AGTPBP1: variants seen among roughly 807,000 people sequenced by gnomAD.
AGTPBP1 encodes ATP/GTP binding carboxypeptidase 1.
Under a neutral mutation model 143.9 loss-of-function variants are expected in AGTPBP1, and 70 were observed. The observed-to-expected ratio is 0.49, with a 90% CI of 0.40 to 0.59. The LOEUF (loss-of-function observed/expected upper bound fraction) is 0.59, where lower values mean the gene tolerates loss of function less well. Among genes scored for constraint, AGTPBP1 ranks in the 20% least tolerant of loss-of-function variants. AGTPBP1 has a pLI of 0.00. For synonymous variants in AGTPBP1, 463 were observed against 500.2 expected (o/e 0.93, Z 0.99); for missense variants, 1,229 against 1,464.5 (o/e 0.84, Z 2.62).
chr9:85,671,322 T>C (rs964104403), intron 7 of AGTPBP1, among the ~76,000 whole-genome samples: 2 of 152,206 alleles, frequency 1.3e-5, no homozygotes, highest in African/African-American at 4.8e-5. Flanking sequence ...TTTTTCCTTT[T>C]ACCTTTACTA....
intron 25 of AGTPBP1, among the ~76,000 whole-genome samples, chr9:85,557,494 T>G (rs1048381601): frequency 2.0e-5 from 3 of 152,192 alleles, no homozygotes; most frequent in African/African-American, 7.2e-5. Flanking sequence ...ATCTCAGTAG[T>G]AATTACAGCG....
chr9:85,600,258 G>T (rs1829577782), intron 17 of AGTPBP1, among the ~76,000 whole-genome samples: 1 of 151,912 alleles, frequency 6.6e-6, no homozygotes, highest in Admixed American at 6.5e-5. Flanking sequence ...ATCCCTTCCT[G>T]GGACTCAGTG....
chr9:85,605,468 C>T (rs1829936059), intron 17 of AGTPBP1, among the ~76,000 whole-genome samples: 1 of 152,078 alleles, frequency 6.6e-6, no homozygotes, highest in Non-Finnish European at 1.5e-5. Flanking sequence ...TCATCAACAT[C>T]AAATACTTGT....
At chr9:85,701,852 A>G (rs960109064) in intron 2 of AGTPBP1, among the ~76,000 whole-genome samples, 1 of 152,222 alleles carries the variant, frequency 6.6e-6, no homozygotes, top group African/African-American at 2.4e-5. Context: ...CCTGTTTCCA[A>G]AGGTTAGTGT....
chr9:85,730,612 C>G (rs1425886480), intron 1 of AGTPBP1, among the ~76,000 whole-genome samples: 1 of 152,116 alleles, frequency 6.6e-6, no homozygotes, highest in Non-Finnish European at 1.5e-5. Flanking sequence ...CCCTGGTACC[C>G]TAAGGGGTAA....
intron 15 of AGTPBP1, among the ~76,000 whole-genome samples, chr9:85,619,842 T>C (rs1397740757): frequency 6.6e-6 from 1 of 152,148 alleles, no homozygotes. Flanking sequence ...TGCAAACTCT[T>C]GCTCTTCTGG....
rs186202600 is a variant in AGTPBP1, at chr9:85,578,271, T to C, written c.3342+649A>G. Among the ~76,000 whole-genome samples, 24 of 152,252 alleles carry C rather than the reference T, an allele frequency of 1.6e-4. No individual in the cohort carries two copies. The East Asian group carries it at 4.2e-3, about 27-fold the overall frequency. On this transcript the variant is annotated intron_variant, in intron 24 of 25. Coordinates refer to ENST00000357081, the MANE Select transcript of AGTPBP1 (RefSeq NM_001330701.2). Reference sequence around the variant, plus strand: ...AAAAGCCTACAGTACCATGAATGAGTAGTCTTAATGAAGAAAAAAGTTTAC... The same window carrying C: ...AAAAGCCTACAGTACCATGAATGAGCAGTCTTAATGAAGAAAAAAGTTTAC...
At chr9:85,553,572 C>T (rs1460511667) in intron 25 of AGTPBP1, among the ~76,000 whole-genome samples, 2 of 152,166 alleles carry the variant, frequency 1.3e-5, no homozygotes, top group African/African-American at 4.8e-5. Context: ...GACATAATCC[C>T]ACTGTAAGTC....
intron 17 of AGTPBP1, among the ~76,000 whole-genome samples, chr9:85,618,051 C>T (rs1830695154): frequency 6.6e-6 from 1 of 152,008 alleles, no homozygotes; most frequent in South Asian, 2.1e-4. Context: ...ACCAGCCTGG[C>T]CAACATGGTG....
intron 25 of AGTPBP1, among the ~76,000 whole-genome samples, chr9:85,552,035 G>A (rs1826066717): frequency 6.6e-6 from 1 of 152,098 alleles, no homozygotes; most frequent in South Asian, 2.1e-4. Context: ...GCTGCCCTGT[G>A]TACACCTGCC....
intron 13 of AGTPBP1, among the ~76,000 whole-genome samples, chr9:85,639,980 G>A (rs546559454): frequency 6.6e-6 from 1 of 152,170 alleles, no homozygotes; most frequent in Admixed American, 6.5e-5. Flanking sequence ...TGGAAACAAA[G>A]CAGGCGGTGT....
At chr9:85,631,323 C>T (rs1831663577) in intron 14 of AGTPBP1, among the ~76,000 whole-genome samples, 1 of 152,370 alleles carries the variant, frequency 6.6e-6, no homozygotes, top group Non-Finnish European at 1.5e-5. Flanking sequence ...TGTATTCTTT[C>T]TACAGAATTA....
chr9:85,564,779 G>A (rs1826973514), intron 25 of AGTPBP1, among the ~76,000 whole-genome samples: 2 of 152,164 alleles, frequency 1.3e-5, no homozygotes, highest in South Asian at 4.1e-4. Context: ...TTCTCAGAAT[G>A]TATTCCTATT....
intron 4 of AGTPBP1, among the ~76,000 whole-genome samples, 170 bp downstream of exon 4, chr9:85,681,098 T>C (rs943073918): frequency 2.0e-5 from 3 of 151,880 alleles, no homozygotes; most frequent in Non-Finnish European, 4.4e-5. Context: ...AAAATGAATT[T>C]CCATTTACTG....
chr9:85,792,958 T>C, the AGTPBP1 span, among the ~76,000 whole-genome samples: 75 of 152,334 alleles, frequency 4.9e-4, no homozygotes, highest in African/African-American at 1.5e-3. Flanking sequence ...TCAGTTTTAG[T>C]TATATATATC....
chr9:85,618,878 G>A, intron 17 of AGTPBP1, 105 bp downstream of exon 17: 1 of 1,220,380 alleles, frequency 8.2e-7, no homozygotes, highest in Non-Finnish European at 1.1e-6. Flanking sequence ...GAGAAAACAA[G>A]ACACTGAAAC....
At chr9:85,753,399 G>C in the AGTPBP1 span, 553 of 1,613,862 alleles carry the variant, frequency 3.4e-4, no homozygotes, top group Non-Finnish European at 3.9e-4. Context: ...AGGTTCGTTT[G>C]GAAGTATAGA....
intron 17 of AGTPBP1, among the ~76,000 whole-genome samples, chr9:85,604,675 T>A (rs1829884208): frequency 6.6e-6 from 1 of 152,150 alleles, no homozygotes; most frequent in South Asian, 2.1e-4. Context: ...AAATATGTGA[T>A]CTTTCAGACA....
chr9:85,612,303 G>A (rs1830360713), intron 17 of AGTPBP1, among the ~76,000 whole-genome samples: 1 of 152,178 alleles, frequency 6.6e-6, no homozygotes, highest in Non-Finnish European at 1.5e-5. Flanking sequence ...GGAAAGGAAA[G>A]GAGATGTAAA....
Sources: allele counts gnomAD v4.1 joint callset (sites outside exome capture counted in the v4.1 genomes callset), GRCh38; gene constraint gnomAD v4.1.1; transcripts MANE v1.5; gene names NCBI Gene and HGNC (gene_info 2026-07-23, HGNC 2026-07-21).